SLX4IP: variants seen among roughly 807,000 people sequenced by gnomAD.
SLX4IP encodes SLX4 interacting protein, also known as protein SLX4IP.
Under a neutral mutation model 32.9 loss-of-function variants are expected in SLX4IP, and 34 were observed. The ratio of observed to expected loss-of-function variants is 1.03; its 90% CI spans 0.79 to 1.38. SLX4IP has a LOEUF of 1.38. SLX4IP is among the 40% of genes most tolerant of loss of function. The pLI is 0.00. For synonymous variants in SLX4IP, 172 were observed against 171.7 expected, an observed-to-expected ratio of 1.00 and a Z score of -0.01; for missense variants, 444 against 479.0, an observed-to-expected ratio of 0.93 and a Z score of 0.68.
chr20:10,438,128 AG>A (rs1379198116), intron 1 of SLX4IP, among the ~76,000 whole-genome samples: 1 of 152,170 alleles, frequency 6.6e-6, no homozygotes, highest in Non-Finnish European at 1.5e-5. Flanking sequence ...ACCAGGGGAA[AG>A]GTATTACAGT....
At chr20:10,544,963 A>G (rs564625415) in intron 2 of SLX4IP, among the ~76,000 whole-genome samples, 178 of 152,104 alleles carry the variant, frequency 1.2e-3, no homozygotes, top group Admixed American at 2.0e-3. Context: ...AAACTTCAGC[A>G]TATGCCAGAA....
In SLX4IP at chr20:10,552,418, T is replaced by C. The variant is rs1164686661; in HGVS notation, c.28-3813T>C. Among the ~76,000 whole-genome samples, 3 of 152,132 alleles carry C rather than the reference T, an allele frequency of 2.0e-5. No homozygotes were observed. In the East Asian group the frequency reaches 5.8e-4, roughly 29 times the overall value. On this transcript the variant is annotated intron_variant, in intron 2 of 7. Transcript: ENST00000334534. ...TTTTCTTTTTTTTTTCTTTTTTTTT[T>C]TCACTTCTGTTTTCTCATGAGTGAC...
At chr20:10,612,862 A>G (rs1475246899) in intron 6 of SLX4IP, 1 of 153,294 alleles carries the variant, frequency 6.5e-6, no homozygotes, top group African/African-American at 2.4e-5. Context: ...TATTTTTTTA[A>G]TCATCATGTT....
intron 4 of SLX4IP, among the ~76,000 whole-genome samples, chr20:10,595,354 T>C (rs933439594): frequency 1.1e-4 from 16 of 152,286 alleles, no homozygotes; most frequent in Admixed American, 2.0e-4. Flanking sequence ...AAGTGCCTCA[T>C]AATATTAATA....
At chr20:10,615,034 T>A (rs1379243080) in intron 6 of SLX4IP, among the ~76,000 whole-genome samples, 1 of 152,060 alleles carries the variant, frequency 6.6e-6, no homozygotes, top group Non-Finnish European at 1.5e-5. Context: ...AAATATATAT[T>A]ATTGAAATGT....
chr20:10,508,481 A>G (rs1224932060), intron 2 of SLX4IP, among the ~76,000 whole-genome samples: 2 of 152,204 alleles, frequency 1.3e-5, no homozygotes, highest in African/African-American at 4.8e-5. Context: ...ATCCTGAAGT[A>G]TCTCACAGAT....
At chr20:10,560,153 TG>T (rs762469194) in intron 3 of SLX4IP, among the ~76,000 whole-genome samples, 1 of 152,150 alleles carries the variant, frequency 6.6e-6, no homozygotes, top group South Asian at 2.1e-4. Flanking sequence ...CCTAAAACCA[TG>T]GGGGGCTGCT....
At chr20:10,503,966 C>T (rs760837575) in intron 2 of SLX4IP, among the ~76,000 whole-genome samples, 1 of 152,106 alleles carries the variant, frequency 6.6e-6, no homozygotes, top group Non-Finnish European at 1.5e-5. Flanking sequence ...AGACTATTTC[C>T]AAATAAAGTC....
intron 6 of SLX4IP, chr20:10,614,149 G>T: frequency 1.8e-6 from 2 of 1,095,742 alleles, no homozygotes; most frequent in South Asian, 2.7e-5. Flanking sequence ...GAGGCCTCGC[G>T]TTGCACGCCC....
Position 10,489,200 on chromosome 20 carries a change from G to A in SLX4IP, c.27+30969G>A, listed in dbSNP as rs543144159. On this transcript the variant is annotated intron_variant, in intron 2 of 7. Transcript: ENST00000334534. ...ACGTTCACATAAGTCGAGGAGTTCT[G>A]TATGGGGTCATTCTTCTTACTTGAC... Among the ~76,000 whole-genome samples, 8 of 152,232 alleles carry A rather than the reference G, an allele frequency of 5.3e-5. No individual in the cohort carries two copies. In the East Asian group the frequency reaches 1.5e-3, roughly 29 times the overall value.
intron 2 of SLX4IP, among the ~76,000 whole-genome samples, chr20:10,551,746 T>C (rs1191338314): frequency 6.6e-6 from 1 of 152,126 alleles, no homozygotes; most frequent in African/African-American, 2.4e-5. Context: ...CGAGGATGCA[T>C]AGGATCTCAA....
At chr20:10,555,765 A>G (rs1440368646) in intron 2 of SLX4IP, among the ~76,000 whole-genome samples, 1 of 152,116 alleles carries the variant, frequency 6.6e-6, no homozygotes, top group Non-Finnish European at 1.5e-5. Context: ...TTCAATTCCA[A>G]AGTGTACCGT....
intron 4 of SLX4IP, among the ~76,000 whole-genome samples, chr20:10,597,687 G>A (rs764932940): frequency 5.9e-5 from 9 of 152,168 alleles, no homozygotes; most frequent in Non-Finnish European, 1.2e-4. Context: ...TATTTGCATT[G>A]GTTCCAGGTT....
In SLX4IP at chr20:10,598,769, T is replaced by A; in HGVS notation, c.316+17T>A. ...AGAATGCTGGTAAGAAGCCGATTTC[T>A]TGGTTTGTCAGACATTTCACACAAT... On this transcript the variant is annotated intron_variant, in intron 5 of 7. Coordinates refer to ENST00000334534, the MANE Select transcript of SLX4IP (RefSeq NM_001009608.3). 1 of 1,613,152 alleles carries A rather than the reference T, an allele frequency of 6.2e-7. No individual in the cohort carries two copies. Among genetic ancestry groups the A allele is most frequent in the South Asian group, 1.1e-5 (1 of 91,058 alleles).
intron 1 of SLX4IP, among the ~76,000 whole-genome samples, chr20:10,451,249 C>T (rs754751226): frequency 1.2e-4 from 18 of 151,974 alleles, no homozygotes; most frequent in Non-Finnish European, 2.5e-4. Context: ...CAATTTGCGC[C>T]TGCCAGGTTC....
At chr20:10,540,565 C>G (rs2066095739) in intron 2 of SLX4IP, among the ~76,000 whole-genome samples, 1 of 152,208 alleles carries the variant, frequency 6.6e-6, no homozygotes, top group African/African-American at 2.4e-5. Flanking sequence ...CCCTCCCACT[C>G]TTTTCAGCCA....
At chr20:10,476,432 A>C (rs1335381995) in intron 2 of SLX4IP, among the ~76,000 whole-genome samples, 1 of 152,202 alleles carries the variant, frequency 6.6e-6, no homozygotes, top group Non-Finnish European at 1.5e-5. Flanking sequence ...CAAAAAATGC[A>C]TTGTAGCTTT....
At chr20:10,594,557 G>T (rs1470492185) in intron 4 of SLX4IP, among the ~76,000 whole-genome samples, 2 of 152,166 alleles carry the variant, frequency 1.3e-5, no homozygotes, top group African/African-American at 2.4e-5. Flanking sequence ...AACAAGTGAG[G>T]CTGGATAGTT....
At chr20:10,602,543 C>T (rs1157252970) in intron 6 of SLX4IP, among the ~76,000 whole-genome samples, 1 of 152,134 alleles carries the variant, frequency 6.6e-6, no homozygotes, top group Non-Finnish European at 1.5e-5. Context: ...GTCTGCCTGA[C>T]TTCTACACAG....
Sources: allele counts gnomAD v4.1 joint callset (sites outside exome capture counted in the v4.1 genomes callset), GRCh38; gene constraint gnomAD v4.1.1; transcripts MANE v1.5; gene names NCBI Gene and HGNC (gene_info 2026-07-23, HGNC 2026-07-21).